The following ARMCX4 variants were observed in gnomAD, a reference collection of about 807,000 sequenced individuals.
The protein encoded by ARMCX4 is armadillo repeat-containing X-linked protein 4.
In ARMCX4, 3 loss-of-function variants were observed where a neutral mutation model predicts 34.7. The observed-to-expected ratio is 0.09, with a 90% CI of 0.04 to 0.22. ARMCX4 has a LOEUF of 0.22. Among genes scored for constraint, ARMCX4 ranks in the 10% least tolerant of loss-of-function variants. The probability of loss-of-function intolerance (pLI) is 1.00; values close to 1 mark genes in which losing one functional copy is unlikely to be tolerated. For synonymous variants in ARMCX4, 513 were observed against 632.8 expected (o/e 0.81, Z 2.84); for missense variants, 1,448 against 1,720.8 (o/e 0.84, Z 2.81).
chrX:101,501,177 C>T (rs113336694), intron 7 of ARMCX4, among the ~76,000 whole-genome samples: 2,223 of 112,524 alleles, frequency 0.02, 26 homozygotes, highest in South Asian at 0.052. Flanking sequence ...TGTTTCACCC[C>T]ATATACTGGG....
chrX:101,420,190 C>G (rs1161211485), intron 2 of ARMCX4, among the ~76,000 whole-genome samples: 3 of 111,491 alleles, frequency 2.7e-5, no homozygotes, highest in Non-Finnish European at 5.6e-5. Context: ...AAACCCCCAT[C>G]TCTACTAGAA....
rs868974687 is a variant in ARMCX4, at chrX:101,492,265, C to T, written c.3676C>T (p.Leu1226Phe). The T allele has an allele frequency of 6.3e-6, 7 of 1,119,540 alleles. No individual in the cohort carries two copies. The highest frequency in any genetic ancestry group is 8.2e-6 in the Non-Finnish European group (7 of 857,196). The allele number at this position is 1,119,540 out of a possible 1,213,427, so 92.3% of individuals were successfully genotyped here. A position where few individuals can be genotyped will look rare whatever the true frequency, so the allele number is the denominator to read the frequency against. ...CCAGGCCAGTGGGGGGTCTTGGGCT[C>T]TCGCTGGGAATCAGGCCATTGGAGA... ...ENQASGGSWA[L>F]AGNQAIGELW... is the part of the protein sequence containing the mutation. The change falls in exon 6 of 6, where the codon CTC becomes TTC. Residue 1226 changes from leucine (L) to phenylalanine (F), a missense_variant. Leu to Phe is a conservative substitution (Grantham distance 22). Transcript: ENST00000423738.
chrX:101,529,854 G>A (rs1185351699), intron 11 of ARMCX4, among the ~76,000 whole-genome samples: 8 of 111,663 alleles, frequency 7.2e-5, no homozygotes, highest in Non-Finnish European at 1.1e-4. Context: ...GAGAGGATGT[G>A]GAGAAATAGC....
chrX:101,522,968 C>A (rs782220496), intron 11 of ARMCX4, among the ~76,000 whole-genome samples: 1 of 111,861 alleles, frequency 8.9e-6, no homozygotes, highest in South Asian at 3.8e-4. Flanking sequence ...GCAGAACAGC[C>A]AGGGAAGGAG....
upstream of ARMCX4, among the ~76,000 whole-genome samples, chrX:101,481,133 C>CA (rs782107689): frequency 3.4e-4 from 37 of 110,349 alleles, 1 homozygote; most frequent in African/African-American, 1.2e-3. Flanking sequence ...CAAAACAAAA[C>CA]AAAAAAAAGG....
chrX:101,494,965 C>G lies in ARMCX4; in HGVS notation c.6376C>G (p.Gln2126Glu). Residue 2126 changes from glutamine to glutamate, a missense_variant, in exon 6 of 6, where the codon CAA becomes GAA. Physicochemically the swap from Gln to Glu is conservative, Grantham distance 29. This residue lies in a region of ARMCX4 where 105 missense variants were observed against 180.2 expected (regional missense o/e 0.58). Transcript: ENST00000423738. The stretch of plus-strand genomic sequence containing the variant: ...TAGGAAGGTTAAAACTTACTTAAAC[C>G]AAGTATGTGAAGACACTGTCACCTA... The part of the protein sequence containing the change: ...NHRKVKTYLN[Q>E]VCEDTVTYPL... 1 of 1,153,913 alleles carries G rather than the reference C, an allele frequency of 8.7e-7. No homozygotes were observed.
Position 101,494,833 on chromosome X carries a change from G to A in ARMCX4, c.6244G>A (p.Val2082Ile), listed in dbSNP as rs1556011399. The change falls in exon 6 of 6, where the codon GTA becomes ATA. Residue 2082 changes from valine (V) to isoleucine (I), a missense_variant. Coordinates refer to ENST00000423738, the MANE Select transcript of ARMCX4 (RefSeq NM_001256155.3). ...TTATTCTCATGAAGTTGTTCGTAAT[G>A]TAGGTGGAATTTCAGTTATTGAAAG... ...YSYSHEVVRN[V>I]GGISVIESLL... The A allele has an allele frequency of 8.7e-7, 1 of 1,154,637 alleles. No individual in the cohort carries two copies. The highest frequency in any genetic ancestry group is 1.1e-6 in the Non-Finnish European group (1 of 871,640).
At chrX:101,439,990 C>T (rs1407297569) in intron 2 of ARMCX4, among the ~76,000 whole-genome samples, 1 of 112,162 alleles carries the variant, frequency 8.9e-6, no homozygotes, top group African/African-American at 3.2e-5. Context: ...CAAAGTCATT[C>T]TCCATCCAGC....
chrX:101,487,505 C>A (rs1392139874), intron 3 of ARMCX4, 103 bp from the exon 4 acceptor site: 13 of 319,463 alleles, frequency 4.1e-5, no homozygotes, highest in Non-Finnish European at 7.1e-5. Flanking sequence ...TATATAGAAC[C>A]TGGGCTCTGG....
At chrX:101,421,396 T>C (rs1210246898) in intron 2 of ARMCX4, among the ~76,000 whole-genome samples, 1 of 110,192 alleles carries the variant, frequency 9.1e-6, no homozygotes, top group Non-Finnish European at 1.9e-5. Flanking sequence ...TATTTTAGGG[T>C]TTCTTAGGAG....
intron 4 of ARMCX4, 168 bp from the exon 5 acceptor site, chrX:101,487,876 G>C: frequency 3.5e-6 from 1 of 286,940 alleles, no homozygotes; most frequent in Admixed American, 4.4e-5. Context: ...ACAGGGAAAA[G>C]AGTGTGACAG....
At chrX:101,532,333 C>T (rs1556022354) in intron 12 of ARMCX4, 1 of 111,388 alleles carries the variant, frequency 9.0e-6, no homozygotes, top group Non-Finnish European at 1.9e-5. Context: ...ACCTTGGGCT[C>T]TTAGGTATAT....
At chrX:101,454,306 C>T (rs187987497) in intron 4 of ARMCX4, among the ~76,000 whole-genome samples, 3 of 105,349 alleles carry the variant, frequency 2.8e-5, no homozygotes, top group Non-Finnish European at 3.9e-5. Context: ...GATGGAGTCT[C>T]GCTCTGTCGC....
intron 2 of ARMCX4, among the ~76,000 whole-genome samples, chrX:101,419,497 A>G (rs937416717): frequency 8.9e-6 from 1 of 112,394 alleles, no homozygotes; most frequent in Admixed American, 9.5e-5. Context: ...ATGGAATAAT[A>G]AGTAAAGAGT....
chrX:101,492,267 C>T lies in ARMCX4; in HGVS notation c.3678C>T (p.Leu1226=), dbSNP rs7051610. 3.3e-3 allele frequency: 3,727 copies of T among 1,129,232 alleles called. 86 individuals are homozygous for T. In the African/African-American group the frequency reaches 0.064, roughly 19 times the overall value. 93.1% of individuals were successfully genotyped at this position (1,129,232 alleles called of 1,213,427 possible). The stretch of plus-strand genomic sequence containing the variant: ...AGGCCAGTGGGGGGTCTTGGGCTCT[C>T]GCTGGGAATCAGGCCATTGGAGAGC... ...ENQASGGSWA[L]AGNQAIGELW... Residue 1226 remains leucine, a synonymous_variant, in exon 6 of 6, where the codon CTC becomes CTT. Transcript: ENST00000423738.
At chrX:101,441,929 G>A (rs113618044) in intron 2 of ARMCX4, among the ~76,000 whole-genome samples, 82 of 111,484 alleles carry the variant, frequency 7.4e-4, no homozygotes, top group African/African-American at 2.5e-3. Context: ...AGAAACTCTG[G>A]GGGTAAAGCC....
chrX:101,500,776 G>A (rs181521071), downstream of ARMCX4, among the ~76,000 whole-genome samples: 1 of 112,114 alleles, frequency 8.9e-6, no homozygotes, highest in East Asian at 2.8e-4. Flanking sequence ...TTTCCTCAGT[G>A]CTCTACTAAC....
At chrX:101,436,454 T>C (rs782742008) in intron 2 of ARMCX4, among the ~76,000 whole-genome samples, 14 of 110,756 alleles carry the variant, frequency 1.3e-4, no homozygotes, top group Admixed American at 7.8e-4. Context: ...TTGTCTGTTA[T>C]TGGTGTATAA....
intron 11 of ARMCX4, among the ~76,000 whole-genome samples, chrX:101,518,539 T>C (rs782225047): frequency 9.0e-6 from 1 of 111,293 alleles, no homozygotes; most frequent in African/African-American, 3.2e-5. Context: ...TACGAAATCA[T>C]GATTAATAGA....
Sources: allele counts gnomAD v4.1 joint callset (sites outside exome capture counted in the v4.1 genomes callset), GRCh38; gene constraint gnomAD v4.1.1; regional missense constraint gnomAD v4.1.1; transcripts MANE v1.5; gene names NCBI Gene and HGNC (gene_info 2026-07-23, HGNC 2026-07-21).